Variants in WDR27 observed in about 807,000 individuals in gnomAD.
WDR27 encodes the protein WD repeat domain 27.
A neutral mutation model predicts 114.4 loss-of-function variants in WDR27; 100 were observed. That is an observed-to-expected ratio of 0.87 (90% CI 0.74 to 1.03). WDR27 has a LOEUF of 1.03. WDR27 is among the 50% of genes least tolerant of loss of function. WDR27 has a pLI of 0.00. For missense variants in WDR27, 1,129 were observed against 1,092.9 expected (o/e 1.03, Z -0.47); for synonymous variants, 449 against 423.1 (o/e 1.06, Z -0.75).
At chr6:169,557,742 A>G (rs575266329) in intron 25 of WDR27, among the ~76,000 whole-genome samples, 1 of 152,302 alleles carries the variant, frequency 6.6e-6, no homozygotes, top group African/African-American at 2.4e-5. Context: ...CTTGGGCAAG[A>G]GGGAGATGCT....
intron 17 of WDR27, among the ~76,000 whole-genome samples, chr6:169,640,559 G>A (rs1409964273): frequency 6.6e-6 from 1 of 152,212 alleles, no homozygotes; most frequent in African/African-American, 2.4e-5. Context: ...GGAAAGTCAC[G>A]TTTGTGACTG....
intron 13 of WDR27, among the ~76,000 whole-genome samples, chr6:169,656,611 T>G (rs1331956956): frequency 6.6e-6 from 1 of 151,856 alleles, no homozygotes; most frequent in Non-Finnish European, 1.5e-5. Flanking sequence ...TGAGGAGGCC[T>G]GGAGGGCCCA....
intron 18 of WDR27, among the ~76,000 whole-genome samples, chr6:169,638,322 C>CAAAAAAAAAAA (rs60501000): frequency 9.0e-4 from 10 of 11,062 alleles, no homozygotes; most frequent in African/African-American, 2.1e-3. Flanking sequence ...GACTCCGTCT[C>CAAAAAAAAAAA]AAAAAAAAAA....
intron 21 of WDR27, among the ~76,000 whole-genome samples, chr6:169,622,501 G>A (rs1813621017): frequency 6.6e-6 from 1 of 152,146 alleles, no homozygotes; most frequent in Admixed American, 6.5e-5. Context: ...AAGTCAGACT[G>A]TTAACACTTT....
intron 1 of WDR27, among the ~76,000 whole-genome samples, chr6:169,692,073 C>CAAAT (rs67627196): frequency 1.7e-5 from 1 of 59,260 alleles, no homozygotes; most frequent in African/African-American, 1.1e-4. Context: ...AAACTGCCTC[C>CAAAT]AAACACCCCC....
intron 25 of WDR27, chr6:169,559,830 G>A (rs1472670458): frequency 6.6e-6 from 1 of 152,228 alleles, no homozygotes; most frequent in African/African-American, 2.4e-5. Context: ...GATGGAATCT[G>A]AAGTCAGATC....
At chr6:169,550,635 G>A (rs1387136107) in intron 25 of WDR27, among the ~76,000 whole-genome samples, 2 of 151,976 alleles carry the variant, frequency 1.3e-5, no homozygotes, top group African/African-American at 4.8e-5. Flanking sequence ...TTTCCAGGCT[G>A]GTCTTGAACT....
chr6:169,585,081 T>C (rs1310228856), intron 23 of WDR27, among the ~76,000 whole-genome samples: 4 of 152,180 alleles, frequency 2.6e-5, no homozygotes, highest in African/African-American at 9.7e-5. Context: ...CTTTAATAAA[T>C]GGTGTTAGGA....
At chr6:169,548,902 A>C (rs1314562852) in intron 25 of WDR27, among the ~76,000 whole-genome samples, 1 of 152,230 alleles carries the variant, frequency 6.6e-6, no homozygotes, top group African/African-American at 2.4e-5. Flanking sequence ...ACAAAAGTTA[A>C]CTCATAACTG....
rs573211323 is a variant in WDR27, at chr6:169,533,272, T to C, written c.2645+39147A>G. On this transcript the variant is annotated intron_variant, in intron 25 of 25. Coordinates refer to ENST00000448612, the MANE Select transcript of WDR27 (RefSeq NM_182552.5). ...GAAGGAGGGAGACAGCCCACATGGG[T>C]TGGAGTAAATGGCTTTGCAGGAAAA... Among the ~76,000 whole-genome samples the C allele has an allele frequency of 3.8e-3, 557 of 146,654 alleles. 5 individuals are homozygous for C. Among genetic ancestry groups the C allele is most frequent in the African/African-American group, 0.013 (534 of 40,120 alleles).
Position 169,673,668 on chromosome 6 carries a change from G to A in WDR27, c.190-1272C>T, listed in dbSNP as rs139340865. 3.6e-4 allele frequency among the ~76,000 whole-genome samples: 55 copies of A among 152,022 alleles called. No individual in the cohort carries two copies. The East Asian group carries it at 9.7e-3, about 27-fold the overall frequency. ...GCAGCTGAGGAGCTGAGATTCAAGG[G>A]GCTACGGGCACAAAAATGGTGTAAT... On this transcript the variant is annotated intron_variant, in intron 2 of 25. Coordinates refer to ENST00000448612, the MANE Select transcript of WDR27 (RefSeq NM_182552.5).
rs1562939635 is a variant in WDR27, at chr6:169,688,937, G to C, written c.69C>G (p.Tyr23Ter). ...ACACAGACTCCTTGGATTCAACCAG[G>C]TATTTTTCTATAACTATATCACTTA... ...GCLSDIVIEK[Y>*]LVESKESVSH... The change falls in exon 2 of 26, where the codon TAC becomes TAG. Residue 23 changes from tyrosine (Y) to a stop codon, truncating the protein, a stop_gained. Coordinates refer to ENST00000448612, the MANE Select transcript of WDR27 (RefSeq NM_182552.5). LOFTEE classifies it high-confidence loss of function. The C allele has an allele frequency of 1.9e-6, 3 of 1,613,810 alleles. No individual in the cohort carries two copies. The South Asian group carries it at 3.3e-5, about 18-fold the overall frequency.
At chr6:169,679,121 C>T (rs1423072941) in intron 2 of WDR27, among the ~76,000 whole-genome samples, 6 of 152,166 alleles carry the variant, frequency 3.9e-5, no homozygotes, top group Admixed American at 6.5e-5. Context: ...TGGAAGCCCC[C>T]GCTTTGAGTG....
At chr6:169,446,177 C>T in the WDR27 span, among the ~76,000 whole-genome samples, 1 of 152,222 alleles carries the variant, frequency 6.6e-6, no homozygotes, top group Non-Finnish European at 1.5e-5. Flanking sequence ...GCTGAGCTGC[C>T]GTGCAGCACG....
intron 23 of WDR27, among the ~76,000 whole-genome samples, chr6:169,597,117 A>G (rs377765793): frequency 5.9e-5 from 9 of 152,190 alleles, no homozygotes; most frequent in African/African-American, 2.2e-4. Flanking sequence ...TTCATTTCCC[A>G]TCCTGCTACT....
the WDR27 span, among the ~76,000 whole-genome samples, chr6:169,433,551 A>T: frequency 2.0e-5 from 3 of 152,176 alleles, no homozygotes; most frequent in Non-Finnish European, 4.4e-5. Context: ...CAATAAACAT[A>T]TGTGTGCATG....
chr6:169,588,568 T>C (rs1805092622), intron 23 of WDR27, among the ~76,000 whole-genome samples: 1 of 152,212 alleles, frequency 6.6e-6, no homozygotes, highest in South Asian at 2.1e-4. Flanking sequence ...AAGGGTCAGC[T>C]GAATTTTTAA....
Position 169,643,712 on chromosome 6 carries a change from G to T in WDR27, c.1732C>A (p.Pro578Thr), listed in dbSNP as rs1247341509. The part of the protein sequence containing the change: ...LVFDASLTGT[P>T]AVFSGHDGAV... The stretch of plus-strand genomic sequence containing the variant: ...CATGTTTTACCTGAAAACACAGCAG[G>T]TGTCCCAGTCAGGCTGGCATCAAAA... Residue 578 changes from proline (P) to threonine (T), a missense_variant, in exon 17 of 26, where the codon CCT (proline) becomes ACT (threonine). Coordinates refer to ENST00000448612, the MANE Select transcript of WDR27 (RefSeq NM_182552.5). 6.2e-7 allele frequency: 1 copy of T among 1,613,576 alleles called. No homozygotes were observed. Among genetic ancestry groups the T allele is most frequent in the Non-Finnish European group, 8.5e-7 (1 of 1,179,678 alleles).
rs183135734 is a variant in WDR27, at chr6:169,531,869, G to T, written c.2645+40550C>A. Among the ~76,000 whole-genome samples, 265 of 152,160 alleles carry T rather than the reference G, an allele frequency of 1.7e-3. 3 individuals carry two copies. The highest frequency in any genetic ancestry group is 5.9e-3 in the African/African-American group (246 of 41,520). On this transcript the variant is annotated intron_variant, in intron 25 of 25. Transcript: ENST00000448612. Reference sequence around the variant, plus strand: ...GGGTTTCACCATGTTGGCGACGATGGTCTCAAACTCCTCGTGATCCGCCTG... The same window carrying T: ...GGGTTTCACCATGTTGGCGACGATGTTCTCAAACTCCTCGTGATCCGCCTG...
Sources: allele counts gnomAD v4.1 joint callset (sites outside exome capture counted in the v4.1 genomes callset), GRCh38; gene constraint gnomAD v4.1.1; transcripts MANE v1.5; gene names NCBI Gene and HGNC (gene_info 2026-07-23, HGNC 2026-07-21).